DIS3L2: variants seen among roughly 807,000 people sequenced by gnomAD.
DIS3L2 encodes the protein DIS3-like exonuclease 2.
A neutral mutation model predicts 97.5 loss-of-function variants in DIS3L2; 34 were observed. That is an observed-to-expected ratio of 0.35 (90% confidence interval 0.27 to 0.46). The LOEUF (loss-of-function observed/expected upper bound fraction) is 0.46. Among genes scored for constraint, DIS3L2 ranks in the 20% least tolerant of loss-of-function variants. The probability of loss-of-function intolerance (pLI) is 1.00; values close to 1 mark genes in which losing one functional copy is unlikely to be tolerated. For missense variants in DIS3L2, 1,038 were observed against 1,146.0 expected (o/e 0.91, Z 1.36); for synonymous variants, 435 against 445.2 (o/e 0.98, Z 0.29).
intron 8 of DIS3L2, among the ~76,000 whole-genome samples, chr2:232,147,141 T>C (rs921418882): frequency 1.3e-5 from 2 of 152,154 alleles, no homozygotes; most frequent in Non-Finnish European, 2.9e-5. Flanking sequence ...TTTTAATTAA[T>C]TAATTAATAA....
intron 5 of DIS3L2, among the ~76,000 whole-genome samples, chr2:232,054,759 G>T (rs1165495013): frequency 6.6e-6 from 1 of 152,080 alleles, no homozygotes; most frequent in Non-Finnish European, 1.5e-5. Context: ...GTTTTTTGAG[G>T]CCAGTATGCC....
At chr2:231,995,357 A>G (rs1693703286) in intron 1 of DIS3L2, among the ~76,000 whole-genome samples, 1 of 151,976 alleles carries the variant, frequency 6.6e-6, no homozygotes, top group African/African-American at 2.4e-5. Context: ...CATTAGCTGG[A>G]CCCTATTGTG....
chr2:232,172,158 A>G (rs1007181767), intron 9 of DIS3L2, among the ~76,000 whole-genome samples: 2 of 152,164 alleles, frequency 1.3e-5, no homozygotes, highest in Admixed American at 1.3e-4. Context: ...TTATATTGAG[A>G]TATTCAAATA....
intron 7 of DIS3L2, among the ~76,000 whole-genome samples, chr2:232,134,997 C>G (rs1698318808): frequency 6.6e-6 from 1 of 152,008 alleles, no homozygotes; most frequent in Non-Finnish European, 1.5e-5. Context: ...GGTGAAAAAG[C>G]CTGTGGAGTG....
At chr2:232,232,411 A>G (rs577810032) in intron 10 of DIS3L2, among the ~76,000 whole-genome samples, 27 of 152,210 alleles carry the variant, frequency 1.8e-4, no homozygotes, top group Admixed American at 1.7e-3. Context: ...GAGCAATAGG[A>G]GGTTGTTAGA....
intron 5 of DIS3L2, among the ~76,000 whole-genome samples, chr2:232,050,870 A>G (rs1248586781): frequency 6.6e-6 from 1 of 152,252 alleles, no homozygotes; most frequent in Non-Finnish European, 1.5e-5. Flanking sequence ...ATGTTTTAAC[A>G]GAGATCTGAG....
In DIS3L2 at chr2:232,292,403, C is replaced by T. The variant is rs140417564; in HGVS notation, c.1660-7637C>T. 7.3e-3 allele frequency among the ~76,000 whole-genome samples: 1,114 copies of T among 152,284 alleles called. 4 individuals are homozygous for T. Among genetic ancestry groups the T allele is most frequent in the Non-Finnish European group, 0.011 (741 of 68,010 alleles). On this transcript the variant is annotated intron_variant, in intron 13 of 20. Transcript: ENST00000325385. This position sits in a 1 kb window ranked among gnomAD's most constrained non-coding sequence, Gnocchi z 4.4. Reference sequence around the variant, plus strand: ...TGCTGGGAGGGTCGCCTTGCTGTCTCCATTGTCATCCTACCCAGAAAGCTC... The same window carrying T: ...TGCTGGGAGGGTCGCCTTGCTGTCTTCATTGTCATCCTACCCAGAAAGCTC...
chr2:232,185,011 C>G (rs1691396947), intron 9 of DIS3L2, among the ~76,000 whole-genome samples: 1 of 152,180 alleles, frequency 6.6e-6, no homozygotes, highest in South Asian at 2.1e-4. Flanking sequence ...CCGAGGCAGT[C>G]TGCTCACTTG....
chr2:232,048,933 A>AT (rs1461310764), intron 5 of DIS3L2, among the ~76,000 whole-genome samples: 2 of 152,186 alleles, frequency 1.3e-5, no homozygotes, highest in Non-Finnish European at 2.9e-5. Context: ...TATACTACAA[A>AT]TATACAAGCA....
chr2:231,968,477 G>C (rs1364320685), intron 1 of DIS3L2, among the ~76,000 whole-genome samples: 1 of 152,190 alleles, frequency 6.6e-6, no homozygotes, highest in African/African-American at 2.4e-5. Context: ...CACACAATAT[G>C]TAGTTATCCT....
At chr2:232,306,899 A>T (rs964796083) in intron 14 of DIS3L2, among the ~76,000 whole-genome samples, 71 of 152,256 alleles carry the variant, frequency 4.7e-4, no homozygotes, top group African/African-American at 1.6e-3. Flanking sequence ...GCTCCTGCGT[A>T]CAACGTGTCC....
chr2:232,181,699 T>C (rs1238387915), intron 9 of DIS3L2, among the ~76,000 whole-genome samples: 1 of 152,108 alleles, frequency 6.6e-6, no homozygotes, highest in African/African-American at 2.4e-5. Flanking sequence ...AGTGCAGTGG[T>C]GCGATCTCAG....
intron 6 of DIS3L2, among the ~76,000 whole-genome samples, chr2:232,114,590 T>C (rs1360569866): frequency 6.6e-6 from 1 of 152,176 alleles, no homozygotes; most frequent in African/African-American, 2.4e-5. Context: ...GTGAGAGTTA[T>C]ACACGTGAAT....
chr2:232,310,771 GAAC>G (rs1695104887), intron 14 of DIS3L2, among the ~76,000 whole-genome samples: 1 of 152,220 alleles, frequency 6.6e-6, no homozygotes, highest in Admixed American at 6.5e-5. Context: ...TGGGGCCCTA[GAAC>G]AACTACACAG....
intron 1 of DIS3L2, among the ~76,000 whole-genome samples, chr2:231,967,789 T>A (rs560169400): frequency 6.6e-6 from 1 of 152,320 alleles, no homozygotes; most frequent in Non-Finnish European, 1.5e-5. Flanking sequence ...GTTTTATGAC[T>A]GAAATATGTC....
intron 1 of DIS3L2, among the ~76,000 whole-genome samples, chr2:231,986,587 T>C (rs1460736544): frequency 6.6e-6 from 1 of 152,204 alleles, no homozygotes; most frequent in Non-Finnish European, 1.5e-5. Flanking sequence ...ATTGGCATTT[T>C]TGAAGAAGCA....
intron 5 of DIS3L2, among the ~76,000 whole-genome samples, chr2:232,062,639 C>T (rs2106277299): frequency 6.6e-6 from 1 of 152,124 alleles, no homozygotes; most frequent in East Asian, 1.9e-4. Context: ...TCTTTGCTAT[C>T]CCTCGAATCA....
intron 11 of DIS3L2, among the ~76,000 whole-genome samples, chr2:232,247,616 C>CGGTGGGGGGGGGG (rs1559173558): frequency 1.5e-4 from 1 of 6,526 alleles, no homozygotes; most frequent in Non-Finnish European, 6.3e-4. Flanking sequence ...ATAACTGCCG[C>CGGTGGGGGGGGGG]GGGGGGGGGG....
intron 13 of DIS3L2, among the ~76,000 whole-genome samples, chr2:232,279,979 T>G (rs771229569): frequency 6.6e-6 from 1 of 152,208 alleles, no homozygotes; most frequent in Non-Finnish European, 1.5e-5. Flanking sequence ...AAAGCAGAAA[T>G]TTTTCATTGT....
Sources: gnomAD v4.1 joint callset for allele counts (sites outside exome capture counted in the v4.1 genomes callset) on GRCh38, gnomAD v4.1.1 for gene constraint, Gnocchi (gnomAD v3.1) non-coding constraint, MANE v1.5 for transcripts, NCBI Gene and HGNC (gene_info 2026-07-23, HGNC 2026-07-21) for gene names.